The following TMC1 variants were observed in gnomAD, a reference collection of about 807,000 sequenced individuals.
TMC1 encodes the protein transmembrane channel-like protein 1.
TMC1 carries 84 observed loss-of-function variants against 105.8 expected under a neutral mutation model. The observed-to-expected ratio is 0.79, with a 90% confidence interval of 0.67 to 0.95. The LOEUF is 0.95. Among genes scored for constraint, TMC1 ranks in the 40% least tolerant of loss-of-function variants. The pLI is 0.00. For missense variants in TMC1, 817 were observed against 914.1 expected (o/e 0.89, Z 1.37); for synonymous variants, 315 against 311.5 (o/e 1.01, Z -0.12).
At chr9:72,581,566 A>T (rs1824476150) in intron 2 of TMC1, among the ~76,000 whole-genome samples, 1 of 152,216 alleles carries the variant, frequency 6.6e-6, no homozygotes, top group Non-Finnish European at 1.5e-5. Flanking sequence ...AAGAAGAATT[A>T]CAGTTTTGCT....
rs376431515 is a variant in TMC1 at position 72,729,529 on chromosome 9, GT to G, written c.363-10589del. Among the ~76,000 whole-genome samples, 134 of 152,246 alleles carry G rather than the reference GT, an allele frequency of 8.8e-4. 1 individual carries two copies. The highest frequency in any genetic ancestry group is 3.1e-3 in the African/African-American group (129 of 41,550). Reference sequence around the variant, plus strand: ...ATTATCAAGTATCAAAACATGCAGAGTACTTACTGCCAGTTCAGGGAGACAA... The same window carrying G: ...ATTATCAAGTATCAAAACATGCAGAGACTTACTGCCAGTTCAGGGAGACAA... On this transcript the variant is annotated intron_variant, in intron 8 of 23. Transcript: ENST00000297784.
intron 1 of TMC1, among the ~76,000 whole-genome samples, chr9:72,537,962 C>T (rs1823610698): frequency 6.6e-6 from 1 of 151,834 alleles, no homozygotes; most frequent in Non-Finnish European, 1.5e-5. Flanking sequence ...TTGAGATCAG[C>T]CTGGGCAACA....
rs552861024 is a variant in TMC1, at chr9:72,830,383, T to C, written c.2130-68T>C. On this transcript the variant is annotated intron_variant, in intron 21 of 23. Transcript: ENST00000297784. The stretch of plus-strand genomic sequence containing the variant: ...CTGATATTTCATAATTTACTTAATG[T>C]AAATTTAAGAAGTATCTTGGGGAAC... The C allele has an allele frequency of 3.8e-6, 4 of 1,053,532 alleles. No homozygotes were observed. In the Admixed American group the frequency reaches 7.2e-5, roughly 19 times the overall value. 65.3% of individuals were successfully genotyped at this position (1,053,532 alleles called of 1,614,324 possible).
chr9:72,752,421 A>G (rs1177110026), intron 11 of TMC1, among the ~76,000 whole-genome samples: 1 of 150,376 alleles, frequency 6.6e-6, no homozygotes, highest in South Asian at 2.1e-4. Context: ...TTTTCCCCCT[A>G]AGATACAAAG....
chr9:72,810,350 G>T (rs1828680698), intron 18 of TMC1, among the ~76,000 whole-genome samples: 1 of 152,064 alleles, frequency 6.6e-6, no homozygotes, highest in Admixed American at 6.6e-5. Flanking sequence ...TCTACTGTAT[G>T]CATGCATGTG....
intron 1 of TMC1, among the ~76,000 whole-genome samples, chr9:72,542,059 C>T (rs2132064908): frequency 6.6e-6 from 1 of 152,278 alleles, no homozygotes; most frequent in Non-Finnish European, 1.5e-5. Flanking sequence ...CGTGGTGGTT[C>T]ACATCTGTAA....
intron 2 of TMC1, among the ~76,000 whole-genome samples, chr9:72,611,665 G>T (rs956312258): frequency 2.0e-5 from 3 of 152,130 alleles, no homozygotes; most frequent in African/African-American, 7.2e-5. Context: ...TGAGGATTGT[G>T]GCTTGTTAGA....
intron 5 of TMC1, among the ~76,000 whole-genome samples, chr9:72,659,617 G>C (rs926931254): frequency 6.6e-6 from 1 of 152,338 alleles, no homozygotes; most frequent in South Asian, 2.1e-4. Context: ...CTGGGCAACA[G>C]AGCAAGACCC....
intron 2 of TMC1, among the ~76,000 whole-genome samples, chr9:72,595,820 G>T (rs1167967212): frequency 6.6e-6 from 1 of 150,626 alleles, no homozygotes; most frequent in East Asian, 2.0e-4. Flanking sequence ...GGGATTACAG[G>T]CATGCACCAC....
Position 72,689,536 on chromosome 9 carries a change from G to A in TMC1, c.64+780G>A, listed in dbSNP as rs181662915. Among the ~76,000 whole-genome samples the A allele has an allele frequency of 8.5e-3, 674 of 79,448 alleles. 4 individuals carry two copies. Among genetic ancestry groups the A allele is most frequent in the African/African-American group, 0.051 (644 of 12,590 alleles). 52.1% of individuals were successfully genotyped at this position (79,448 alleles called of 152,430 possible). ...TGTTCTATCCATTATGGAATGTAATGTAGGGTATTGAAGTTTCCTACTATA... is the reference window on the plus strand; with the variant it reads ...TGTTCTATCCATTATGGAATGTAATATAGGGTATTGAAGTTTCCTACTATA... On this transcript the variant is annotated intron_variant, in intron 6 of 23. Transcript: ENST00000297784.
At chr9:72,587,571 C>T (rs1824574517) in intron 2 of TMC1, among the ~76,000 whole-genome samples, 3 of 152,174 alleles carry the variant, frequency 2.0e-5, no homozygotes, top group Admixed American at 2.0e-4. Flanking sequence ...CTAGTCCCTT[C>T]AAGAAGTCTA....
chr9:72,712,342 C>G (rs901108535), intron 8 of TMC1, among the ~76,000 whole-genome samples: 2 of 152,012 alleles, frequency 1.3e-5, no homozygotes, highest in Admixed American at 6.6e-5. Flanking sequence ...AGCATTGAAC[C>G]TACAAATTAC....
chr9:72,745,074 A>C (rs999443645), intron 10 of TMC1, among the ~76,000 whole-genome samples: 1 of 152,180 alleles, frequency 6.6e-6, no homozygotes, highest in African/African-American at 2.4e-5. Context: ...TTAGTTTGTC[A>C]TGACTTCTTC....
intron 1 of TMC1, among the ~76,000 whole-genome samples, chr9:72,548,816 T>A (rs1389002425): frequency 6.6e-6 from 1 of 152,042 alleles, no homozygotes; most frequent in East Asian, 1.9e-4. Context: ...TGAGATCCCA[T>A]CTCTAAAAAA....
At chr9:72,799,273 G>C (rs1429023266) in intron 17 of TMC1, among the ~76,000 whole-genome samples, 2 of 152,060 alleles carry the variant, frequency 1.3e-5, no homozygotes. Context: ...GTTGAGTTTA[G>C]CACTGAATGT....
intron 13 of TMC1, among the ~76,000 whole-genome samples, chr9:72,783,410 C>T (rs1295148639): frequency 1.3e-5 from 2 of 152,074 alleles, no homozygotes; most frequent in Non-Finnish European, 2.9e-5. Context: ...TATCCAAGAG[C>T]AGGAGGATGA....
chr9:72,799,933 G>T (rs896271772), intron 17 of TMC1, among the ~76,000 whole-genome samples: 1 of 152,158 alleles, frequency 6.6e-6, no homozygotes, highest in African/African-American at 2.4e-5. Flanking sequence ...AGAAAATTGA[G>T]ATGTAACAGC....
intron 12 of TMC1, among the ~76,000 whole-genome samples, chr9:72,762,461 T>G (rs1454878464): frequency 6.6e-6 from 1 of 152,170 alleles, no homozygotes; most frequent in Admixed American, 6.5e-5. Context: ...TTGCTGTTAT[T>G]TAGTTTCAAC....
chr9:72,655,698 C>T (rs1057378295), intron 5 of TMC1: 5 of 402,252 alleles, frequency 1.2e-5, no homozygotes, highest in Admixed American at 3.6e-5. Context: ...GCTGAGATCG[C>T]GCCACTGCAC....
Sources: gnomAD v4.1 joint callset for allele counts (sites outside exome capture counted in the v4.1 genomes callset) on GRCh38, gnomAD v4.1.1 for gene constraint, MANE v1.5 for transcripts, NCBI Gene and HGNC (gene_info 2026-07-23, HGNC 2026-07-21) for gene names.